EXOC4: variants seen among roughly 807,000 people sequenced by gnomAD.
The protein encoded by EXOC4 is exocyst complex component 4.
A neutral mutation model predicts 107.2 loss-of-function variants in EXOC4; 71 were observed. The ratio of observed to expected loss-of-function variants is 0.66; its 90% confidence interval spans 0.55 to 0.81. The LOEUF is 0.81. EXOC4 is among the 30% of genes least tolerant of loss of function. The probability of loss-of-function intolerance (pLI) is 0.00; values close to 1 mark genes in which losing one functional copy is unlikely to be tolerated. For missense variants in EXOC4, 1,108 were observed against 1,189.6 expected, an observed-to-expected ratio of 0.93 and a Z score of 1.01; for synonymous variants, 456 against 441.2, an observed-to-expected ratio of 1.03 and a Z score of -0.42.
chr7:134,084,121 G>T, the EXOC4 span, among the ~76,000 whole-genome samples: 1 of 152,202 alleles, frequency 6.6e-6, no homozygotes, highest in Non-Finnish European at 1.5e-5. Flanking sequence ...CTGTGAAAGA[G>T]ATGTAATCAG....
At chr7:133,953,488 A>C (rs906874243) in intron 14 of EXOC4, among the ~76,000 whole-genome samples, 1 of 152,072 alleles carries the variant, frequency 6.6e-6, no homozygotes, top group Non-Finnish European at 1.5e-5. Context: ...GTACAAAAAA[A>C]AATTTTTTTT....
chr7:133,322,763 A>G (rs1003964658), intron 5 of EXOC4, among the ~76,000 whole-genome samples: 3 of 152,122 alleles, frequency 2.0e-5, no homozygotes, highest in Non-Finnish European at 4.4e-5. Flanking sequence ...AAGAAAGTCA[A>G]TGGTAGCTTG....
chr7:133,979,600 A>G (rs1204277534), intron 14 of EXOC4, among the ~76,000 whole-genome samples: 1 of 152,122 alleles, frequency 6.6e-6, no homozygotes, highest in Non-Finnish European at 1.5e-5. Flanking sequence ...ATCCTGGCTA[A>G]CATGGCAAAA....
At chr7:133,266,716 A>G (rs1793737809) in intron 1 of EXOC4, among the ~76,000 whole-genome samples, 1 of 152,216 alleles carries the variant, frequency 6.6e-6, no homozygotes. Context: ...TTTTAATGTT[A>G]TGTTCTTGAA....
intron 17 of EXOC4, among the ~76,000 whole-genome samples, chr7:134,024,492 A>C (rs1795093847): frequency 6.6e-6 from 1 of 152,200 alleles, no homozygotes; most frequent in Admixed American, 6.5e-5. Flanking sequence ...TTAATTTAAA[A>C]TATTCACAAA....
At chr7:134,076,993 A>AAG in the EXOC4 span, among the ~76,000 whole-genome samples, 3 of 137,750 alleles carry the variant, frequency 2.2e-5, no homozygotes, top group African/African-American at 9.9e-5. Context: ...AGAACAGAGC[A>AAG]AGAGAGAGAG....
chr7:133,353,565 A>G (rs1795958459), intron 5 of EXOC4, among the ~76,000 whole-genome samples: 2 of 152,096 alleles, frequency 1.3e-5, no homozygotes, highest in South Asian at 4.1e-4. Flanking sequence ...ACTACTTTCA[A>G]GATTCTCTCT....
At chr7:133,641,861 A>G (rs1332178020) in intron 10 of EXOC4, among the ~76,000 whole-genome samples, 1 of 152,192 alleles carries the variant, frequency 6.6e-6, no homozygotes, top group African/African-American at 2.4e-5. Flanking sequence ...ATAGAGGTGC[A>G]TCAATGCTCA....
chr7:133,436,586 G>C (rs1159271357), intron 7 of EXOC4, among the ~76,000 whole-genome samples: 3 of 150,932 alleles, frequency 2.0e-5, no homozygotes, highest in Non-Finnish European at 4.4e-5. Context: ...TAGAACCATA[G>C]ACTTCAGTTT....
chr7:133,936,360 A>G (rs888719784), intron 13 of EXOC4, among the ~76,000 whole-genome samples: 1 of 152,260 alleles, frequency 6.6e-6, no homozygotes, highest in Non-Finnish European at 1.5e-5. Context: ...AACATTGGGC[A>G]TCTGCTGTAG....
chr7:133,332,112 G>A (rs1266739997), intron 5 of EXOC4, among the ~76,000 whole-genome samples: 3 of 152,160 alleles, frequency 2.0e-5, no homozygotes, highest in Admixed American at 1.3e-4. Context: ...GGGAACACAG[G>A]CATTTCATTT....
At chr7:134,047,277 T>C (rs907905554) in intron 17 of EXOC4, among the ~76,000 whole-genome samples, 1 of 152,120 alleles carries the variant, frequency 6.6e-6, no homozygotes, top group Non-Finnish European at 1.5e-5. Flanking sequence ...TTTTTCGTCC[T>C]AAAAAATGAA....
chr7:133,684,675 T>G (rs1424849362), intron 10 of EXOC4, among the ~76,000 whole-genome samples: 3 of 152,184 alleles, frequency 2.0e-5, no homozygotes, highest in Non-Finnish European at 4.4e-5. Context: ...AAACTTCTTT[T>G]TAAAAAAGTA....
At chr7:133,974,777 C>G (rs1009715445) in intron 14 of EXOC4, among the ~76,000 whole-genome samples, 2 of 152,176 alleles carry the variant, frequency 1.3e-5, no homozygotes, top group Non-Finnish European at 2.9e-5. Flanking sequence ...TTGAATGTCC[C>G]TAAAGTAACT....
intron 10 of EXOC4, among the ~76,000 whole-genome samples, chr7:133,770,882 T>C (rs1303066449): frequency 1.3e-5 from 2 of 151,946 alleles, no homozygotes; most frequent in African/African-American, 4.8e-5. Context: ...GCATAATACA[T>C]AGTAAATGCC....
At chr7:134,011,932 G>A (rs555894683) in intron 17 of EXOC4, among the ~76,000 whole-genome samples, 1 of 152,256 alleles carries the variant, frequency 6.6e-6, no homozygotes, top group African/African-American at 2.4e-5. Flanking sequence ...GTAGGAGCAA[G>A]CCATGCAGCT....
intron 7 of EXOC4, among the ~76,000 whole-genome samples, chr7:133,411,811 A>G (rs1471573429): frequency 2.6e-5 from 4 of 152,134 alleles, no homozygotes; most frequent in African/African-American, 4.8e-5. Context: ...TTTATCTTCA[A>G]GGTCACAAAA....
chr7:134,066,617 A>G (rs1796181529), downstream of EXOC4: 1 of 152,122 alleles, frequency 6.6e-6, no homozygotes. Context: ...CCAGTGACAC[A>G]CTCAGTGGGT....
intron 10 of EXOC4, among the ~76,000 whole-genome samples, chr7:133,702,898 T>C (rs912318306): frequency 6.6e-6 from 1 of 152,242 alleles, no homozygotes; most frequent in African/African-American, 2.4e-5. Flanking sequence ...TTTGCAGTGT[T>C]AACAATGCCA....
Sources: gnomAD v4.1 joint callset for allele counts (sites outside exome capture counted in the v4.1 genomes callset) on GRCh38, gnomAD v4.1.1 for gene constraint, MANE v1.5 for transcripts, NCBI Gene and HGNC (gene_info 2026-07-23, HGNC 2026-07-21) for gene names.